SQOR: variants seen among roughly 807,000 people sequenced by gnomAD.
SQOR encodes sulfide quinone oxidoreductase.
Under a neutral mutation model 48.6 loss-of-function variants are expected in SQOR, and 39 were observed. That is an observed-to-expected ratio of 0.80 (90% CI 0.62 to 1.05). The LOEUF (loss-of-function observed/expected upper bound fraction) is 1.05. SQOR is among the 50% of genes least tolerant of loss of function. The pLI is 0.00. For synonymous variants in SQOR, 220 were observed against 206.2 expected (o/e 1.07, Z -0.57); for missense variants, 561 against 559.9 (o/e 1.00, Z -0.02).
chr15:45,658,224 G>A (rs1889649824), intron 1 of SQOR, among the ~76,000 whole-genome samples: 1 of 152,140 alleles, frequency 6.6e-6, no homozygotes, highest in South Asian at 2.1e-4. Context: ...TCCTTTTATG[G>A]CTTTCTAAAA....
intron 2 of SQOR, among the ~76,000 whole-genome samples, chr15:45,659,512 C>T (rs594579): frequency 0.073 from 11,088 of 152,214 alleles, 469 homozygotes; most frequent in South Asian, 0.083. Flanking sequence ...GGCCATGCTC[C>T]CTCTGCAGCC....
intron 1 of SQOR, among the ~76,000 whole-genome samples, chr15:45,637,113 C>G: frequency 6.6e-6 from 1 of 151,906 alleles, no homozygotes; most frequent in East Asian, 1.9e-4. Flanking sequence ...TCCCTAGTAG[C>G]TGGGATTACA....
chr15:45,641,074 A>T (rs946971561), intron 1 of SQOR, among the ~76,000 whole-genome samples: 6 of 152,090 alleles, frequency 3.9e-5, no homozygotes, highest in African/African-American at 1.4e-4. Flanking sequence ...AAAACTCTTA[A>T]CTTTCATTTG....
intron 1 of SQOR, among the ~76,000 whole-genome samples, chr15:45,653,417 G>A (rs934070269): frequency 2.5e-4 from 38 of 152,180 alleles, no homozygotes; most frequent in African/African-American, 8.9e-4. Flanking sequence ...TTTAGTATAA[G>A]GGATACAGCT....
chr15:45,673,448 G>A (rs1485580093), intron 4 of SQOR, among the ~76,000 whole-genome samples, 159 bp from the exon 5 acceptor site: 2 of 152,134 alleles, frequency 1.3e-5, no homozygotes, highest in Non-Finnish European at 2.9e-5. Context: ...CACAGCTCTG[G>A]TCTTAGAACC....
chr15:45,640,683 G>A (rs1895090539), intron 1 of SQOR, among the ~76,000 whole-genome samples: 1 of 152,188 alleles, frequency 6.6e-6, no homozygotes, highest in Non-Finnish European at 1.5e-5. Flanking sequence ...CGTTTACAGT[G>A]AACTCCTTGC....
intron 3 of SQOR, among the ~76,000 whole-genome samples, chr15:45,663,769 AAAAAATAAAAAAAACAC>A (rs980934727): frequency 3.9e-5 from 6 of 152,098 alleles, no homozygotes; most frequent in Admixed American, 3.9e-4. Flanking sequence ...CCAAAAAATA[AAAAAATAAAAAAAACAC>A]AAAAAGAAAA....
intron 3 of SQOR, among the ~76,000 whole-genome samples, chr15:45,665,417 C>CT (rs771726012): frequency 2.0e-5 from 3 of 152,192 alleles, no homozygotes; most frequent in Non-Finnish European, 2.9e-5. Flanking sequence ...ATTTATGACT[C>CT]TGTCAATCCA....
chr15:45,639,561 TGGGAGGGA>T (rs1279013513), intron 1 of SQOR, among the ~76,000 whole-genome samples: 4 of 152,356 alleles, frequency 2.6e-5, no homozygotes, highest in Admixed American at 6.5e-5. Flanking sequence ...TCCTGACTTC[TGGGAGGGA>T]GGGCTGCTTC....
intron 7 of SQOR, among the ~76,000 whole-genome samples, chr15:45,686,448 G>A (rs353108): frequency 0.48 from 72,290 of 151,958 alleles, 17,529 homozygotes; most frequent in South Asian, 0.54. Context: ...CACCGCGCCC[G>A]GCCTCATTTA....
At chr15:45,649,359 C>T (rs574195888) in intron 1 of SQOR, among the ~76,000 whole-genome samples, 11 of 152,298 alleles carry the variant, frequency 7.2e-5, no homozygotes, top group African/African-American at 2.4e-4. Flanking sequence ...GGGACACAAT[C>T]AATTTAGAAT....
intron 1 of SQOR, among the ~76,000 whole-genome samples, chr15:45,640,978 A>C (rs557979950): frequency 9.2e-5 from 14 of 152,248 alleles, no homozygotes; most frequent in Non-Finnish European, 1.9e-4. Flanking sequence ...TATGTACTAG[A>C]ATGTGAGAAG....
intron 1 of SQOR, among the ~76,000 whole-genome samples, chr15:45,639,549 A>G (rs943849855): frequency 6.6e-6 from 1 of 152,230 alleles, no homozygotes; most frequent in African/African-American, 2.4e-5. Context: ...CCTGGTACCA[A>G]TTCCTGACTT....
chr15:45,658,682 G>A (rs1054608987), intron 1 of SQOR, among the ~76,000 whole-genome samples: 4 of 152,310 alleles, frequency 2.6e-5, no homozygotes, highest in South Asian at 2.1e-4. Context: ...TAGCCTGAAC[G>A]TAGGCGGAAG....
intron 1 of SQOR, among the ~76,000 whole-genome samples, chr15:45,647,887 A>G (rs7162917): frequency 5.6e-4 from 85 of 152,240 alleles, no homozygotes; most frequent in African/African-American, 2.0e-3. Flanking sequence ...GCTGCACTCC[A>G]GCCTGGGCGA....
At chr15:45,637,499 C>T (rs530165319) in intron 1 of SQOR, among the ~76,000 whole-genome samples, 1 of 152,242 alleles carries the variant, frequency 6.6e-6, no homozygotes, top group South Asian at 2.1e-4. Context: ...GAAAGGGTTG[C>T]TTGTGACTAA....
chr15:45,664,976 A>G (rs1889787854), intron 3 of SQOR, among the ~76,000 whole-genome samples: 1 of 152,058 alleles, frequency 6.6e-6, no homozygotes, highest in South Asian at 2.1e-4. Context: ...TGGCTCTCTT[A>G]CCTTGCCAGT....
intron 1 of SQOR, 38 bp from the exon 2 acceptor site, chr15:45,658,866 TTTC>T (rs1889664700): frequency 1.4e-6 from 2 of 1,406,934 alleles, no homozygotes; most frequent in Non-Finnish European, 1.9e-6. Flanking sequence ...CCCACGATGG[TTTC>T]TACCTTGGCA....
chr15:45,650,674 T>TTA (rs1889467228), intron 1 of SQOR, among the ~76,000 whole-genome samples: 1 of 152,176 alleles, frequency 6.6e-6, no homozygotes, highest in South Asian at 2.1e-4. Flanking sequence ...TGGTCTGTTT[T>TTA]TATAGAGAGC....
Sources: allele counts gnomAD v4.1 joint callset (sites outside exome capture counted in the v4.1 genomes callset), GRCh38; gene constraint gnomAD v4.1.1; transcripts MANE v1.5; gene names NCBI Gene and HGNC (gene_info 2026-07-23, HGNC 2026-07-21).